The following SENP6 variants were observed in gnomAD, a reference collection of about 807,000 sequenced individuals.
SENP6 encodes the protein SUMO specific peptidase 6.
A neutral mutation model predicts 134.5 loss-of-function variants in SENP6; 41 were observed. The observed-to-expected ratio is 0.30, with a 90% CI of 0.24 to 0.40. The LOEUF is 0.40. Among genes scored for constraint, SENP6 ranks in the 10% least tolerant of loss-of-function variants. SENP6 has a pLI of 1.00. For synonymous variants in SENP6, 395 were observed against 429.8 expected, an observed-to-expected ratio of 0.92 and a Z score of 1.00; for missense variants, 1,248 against 1,312.5, an observed-to-expected ratio of 0.95 and a Z score of 0.76.
intron 18 of SENP6, among the ~76,000 whole-genome samples, chr6:75,702,268 A>T (rs1775088195): frequency 6.8e-6 from 1 of 146,692 alleles, no homozygotes; most frequent in Non-Finnish European, 1.5e-5. Flanking sequence ...CCCAAGCTGG[A>T]ATGCTGTGGC....
Position 75,676,033 on chromosome 6 carries a change from A to G in SENP6, c.1600A>G (p.Lys534Glu), listed in dbSNP as rs748289605. 1.2e-6 allele frequency: 2 copies of G among 1,601,282 alleles called. No homozygotes were observed. Among genetic ancestry groups the G allele is most frequent in the East Asian group, 4.5e-5 (2 of 44,690 alleles). ...NKEDKVWNDC[K>E]GVNKLTNLEE... ...GGAGGATAAAGTTTGGAATGATTGT[A>G]AAGGAGTAAATAAATTAACAAGTAA... The change falls in exon 13 of 24, where the codon AAA becomes GAA. Residue 534 changes from lysine to glutamate, a missense_variant. Physicochemically the swap from Lys to Glu is moderately conservative, Grantham distance 56. This residue lies in a region of SENP6 where 733 missense variants were observed against 725.4 expected (regional missense o/e 1.01). Transcript: ENST00000447266.
rs1766711153 is a variant in SENP6 at position 75,602,590 on chromosome 6, T to C, written c.52+14T>C. 6.4e-7 allele frequency: 1 copy of C among 1,550,876 alleles called. No homozygotes were observed. The highest frequency in any genetic ancestry group is 1.4e-5 in the African/African-American group (1 of 73,012). On this transcript the variant is annotated intron_variant, in intron 1 of 23. Transcript: ENST00000447266. ...CTTTTCTGGAAGGTACGTCTGTTTC[T>C]GCCCTTGACGGGGAGAAGGGAGGGT...
At chr6:75,699,269 G>A (rs16886827) in intron 18 of SENP6, among the ~76,000 whole-genome samples, 2,573 of 151,234 alleles carry the variant, frequency 0.017, 50 homozygotes, top group East Asian at 0.11. Context: ...TTAGTGAGAG[G>A]TAGAAAATGA....
chr6:75,704,814 T>G (rs988777599), intron 19 of SENP6, among the ~76,000 whole-genome samples: 2 of 152,184 alleles, frequency 1.3e-5, no homozygotes, highest in Non-Finnish European at 2.9e-5. Flanking sequence ...TTATCGAGAC[T>G]AGAGAATGGT....
intron 3 of SENP6, among the ~76,000 whole-genome samples, chr6:75,631,209 T>C (rs1769090317): frequency 1.3e-5 from 2 of 152,198 alleles, no homozygotes; most frequent in African/African-American, 2.4e-5. Context: ...TTAGGTTCTC[T>C]TATTATCTGA....
rs530878593 is a variant in SENP6 at position 75,602,363 on chromosome 6, G to C, written c.-162G>C. On this transcript the variant is annotated 5_prime_UTR_variant, in exon 1 of 24. Coordinates refer to ENST00000447266, the MANE Select transcript of SENP6 (RefSeq NM_015571.4). The stretch of plus-strand genomic sequence containing the variant: ...GCCCGGGCGCGCCTGGCCTGCCTTT[G>C]TATAGGCCCGTCTGAACGTGGGAGC... The C allele has an allele frequency of 1.2e-6, 1 of 800,524 alleles. No homozygotes were observed. The highest frequency in any genetic ancestry group is 2.0e-6 in the Non-Finnish European group (1 of 509,770). 49.6% of individuals were successfully genotyped at this position (800,524 alleles called of 1,614,324 possible).
intron 16 of SENP6, among the ~76,000 whole-genome samples, chr6:75,693,869 T>C (rs1774467664): frequency 1.3e-5 from 2 of 152,218 alleles, no homozygotes; most frequent in Admixed American, 1.3e-4. Context: ...GGATCATAAA[T>C]AAATTTAATA....
chr6:75,676,765 T>C (rs1773111450), intron 13 of SENP6: 1 of 273,318 alleles, frequency 3.7e-6, no homozygotes, highest in African/African-American at 2.2e-5. Flanking sequence ...AGTAAATTAG[T>C]TACATACGTG....
intron 16 of SENP6, among the ~76,000 whole-genome samples, chr6:75,681,173 G>T (rs1773437764): frequency 6.6e-6 from 1 of 152,128 alleles, no homozygotes; most frequent in Admixed American, 6.6e-5. Context: ...GTTGGAAGAG[G>T]GGCCTTGTGG....
chr6:75,680,952 A>G (rs1405375237), intron 16 of SENP6, among the ~76,000 whole-genome samples: 1 of 152,230 alleles, frequency 6.6e-6, no homozygotes, highest in Non-Finnish European at 1.5e-5. Context: ...AACAAAAACC[A>G]TAGTACTCAA....
At chr6:75,661,008 C>T (rs951269459) in intron 8 of SENP6, among the ~76,000 whole-genome samples, 18 of 152,124 alleles carry the variant, frequency 1.2e-4, no homozygotes, top group African/African-American at 3.6e-4. Context: ...AAGGAAATAT[C>T]TTCTCCTTTA....
Position 75,663,337 on chromosome 6 carries a change from A to G in SENP6, c.813A>G (p.Thr271=). The change falls in exon 9 of 24, where the codon ACA becomes ACG. Residue 271 remains threonine, a synonymous_variant. Coordinates refer to ENST00000447266, the MANE Select transcript of SENP6 (RefSeq NM_015571.4). ...AGAAGTCACAAAACACAGGATTAAC[A>G]ACCAAGAAGTTTTATGGCAACAATG... The part of the protein sequence containing the change: ...GGQKSQNTGL[T]TKKFYGNNVE... 1.2e-6 allele frequency: 2 copies of G among 1,613,876 alleles called. No individual in the cohort carries two copies. Among genetic ancestry groups the G allele is most frequent in the Non-Finnish European group, 1.7e-6 (2 of 1,179,870 alleles).
At chr6:75,646,147 G>A (rs1770418681) in intron 6 of SENP6, among the ~76,000 whole-genome samples, 1 of 152,198 alleles carries the variant, frequency 6.6e-6, no homozygotes, top group South Asian at 2.1e-4. Context: ...TAGTGTGAAA[G>A]TGTATGGAAT....
chr6:75,672,731 T>C (rs1166544344), intron 11 of SENP6, among the ~76,000 whole-genome samples: 1 of 152,244 alleles, frequency 6.6e-6, no homozygotes, highest in Non-Finnish European at 1.5e-5. Context: ...TTTTACTATG[T>C]TTAATGTTTT....
chr6:75,627,335 A>G (rs1335216571), intron 3 of SENP6, among the ~76,000 whole-genome samples: 1 of 152,218 alleles, frequency 6.6e-6, no homozygotes, highest in East Asian at 1.9e-4. Context: ...TTCATGCTGA[A>G]AAACTCTAAG....
At chr6:75,656,598 CTT>C (rs1381935543) in intron 7 of SENP6, among the ~76,000 whole-genome samples, 2 of 152,156 alleles carry the variant, frequency 1.3e-5, no homozygotes, top group African/African-American at 4.8e-5. Flanking sequence ...GTGTTTTTCT[CTT>C]CTTTCCCTAG....
intron 4 of SENP6, among the ~76,000 whole-genome samples, chr6:75,633,974 G>A (rs1228837146): frequency 6.6e-6 from 1 of 152,152 alleles, no homozygotes; most frequent in Non-Finnish European, 1.5e-5. Flanking sequence ...TCATGATTTT[G>A]CTTTCATACA....
chr6:75,645,814 C>G (rs1246549939), intron 6 of SENP6, among the ~76,000 whole-genome samples: 2 of 151,926 alleles, frequency 1.3e-5, no homozygotes, highest in Non-Finnish European at 2.9e-5. Flanking sequence ...TTAATTTGCC[C>G]TGCTTTTATA....
In SENP6 at chr6:75,677,043, A is replaced by G. The variant is rs1773133565; in HGVS notation, c.1635A>G (p.Gln545=). Residue 545 remains glutamine, a synonymous_variant, in exon 14 of 24, where the codon CAA becomes CAG. Transcript: ENST00000447266. ...ATTTCTTTTCAGATTTAGAAGAACA[A>G]TATATAATTTTAATTTTTCAAAATG... is the stretch of plus-strand genomic sequence containing the variant. The part of the protein sequence containing the change: ...GVNKLTNLEE[Q]YIILIFQNGL... 3.4e-6 allele frequency: 5 copies of G among 1,488,282 alleles called. No homozygotes were observed. Among genetic ancestry groups the G allele is most frequent in the African/African-American group, 2.8e-5 (2 of 71,462 alleles). The allele number at this position is 1,488,282 out of a possible 1,614,324, so 92.2% of individuals were successfully genotyped here.
Sources: gnomAD v4.1 joint callset for allele counts (sites outside exome capture counted in the v4.1 genomes callset) on GRCh38, gnomAD v4.1.1 for gene constraint, gnomAD v4.1.1 regional missense constraint, MANE v1.5 for transcripts, NCBI Gene and HGNC (gene_info 2026-07-23, HGNC 2026-07-21) for gene names.